NRXN1: variants seen among roughly 807,000 people sequenced by gnomAD.
NRXN1 encodes the protein neurexin 1.
A neutral mutation model predicts 150.9 loss-of-function variants in NRXN1; 39 were observed. The observed-to-expected ratio is 0.26, with a 90% CI of 0.20 to 0.34. The LOEUF is 0.34. Among genes scored for constraint, NRXN1 ranks in the 10% least tolerant of loss-of-function variants. The pLI is 1.00. For missense variants in NRXN1, 1,815 were observed against 1,949.9 expected, an observed-to-expected ratio of 0.93 and a Z score of 1.30; for synonymous variants, 924 against 757.0, an observed-to-expected ratio of 1.22 and a Z score of -3.62.
chr2:50,358,140 C>G (rs1007793311), intron 17 of NRXN1, among the ~76,000 whole-genome samples: 1 of 152,132 alleles, frequency 6.6e-6, no homozygotes, highest in Non-Finnish European at 1.5e-5. Context: ...GTTTCAAGCA[C>G]AAAACTAGGT....
rs150324238 is a variant in NRXN1, at chr2:50,854,363, T to C, written c.832+67506A>G. Among the ~76,000 whole-genome samples, 426 of 152,194 alleles carry C rather than the reference T, an allele frequency of 2.8e-3. 2 individuals carry two copies. Among genetic ancestry groups the C allele is most frequent in the African/African-American group, 9.9e-3 (410 of 41,566 alleles). On this transcript the variant is annotated intron_variant, in intron 5 of 22. Coordinates refer to ENST00000401669, the MANE Select transcript of NRXN1 (RefSeq NM_001330078.2). The stretch of plus-strand genomic sequence containing the variant: ...CCAATATCTAAGCATATCCAAATGC[T>C]AAAATCCACAGAACAGTGCAAGGAA...
At chr2:50,141,488 T>C (rs1237066597) in intron 18 of NRXN1, among the ~76,000 whole-genome samples, 6 of 151,862 alleles carry the variant, frequency 4.0e-5, no homozygotes, top group African/African-American at 1.4e-4. Context: ...AGCTTCTGTA[T>C]ACCAAAGGAA....
At chr2:50,554,925 T>C (rs1268816649) in intron 8 of NRXN1, among the ~76,000 whole-genome samples, 1 of 152,078 alleles carries the variant, frequency 6.6e-6, no homozygotes, top group Non-Finnish European at 1.5e-5. Flanking sequence ...ACTTGAGCAA[T>C]AACAAAAAGG....
At chr2:50,884,181 T>C (rs1679879982) in intron 5 of NRXN1, among the ~76,000 whole-genome samples, 1 of 151,742 alleles carries the variant, frequency 6.6e-6, no homozygotes, top group Non-Finnish European at 1.5e-5. Context: ...TTTTAAAAAT[T>C]TACAGGAAAA....
chr2:50,726,451 A>C (rs182238723), intron 5 of NRXN1, among the ~76,000 whole-genome samples: 1 of 152,226 alleles, frequency 6.6e-6, no homozygotes, highest in Non-Finnish European at 1.5e-5. Flanking sequence ...TGTGAAGATT[A>C]AATGAGATAA....
At chr2:50,512,757 T>C (rs1412070806) in intron 12 of NRXN1, among the ~76,000 whole-genome samples, 1 of 152,212 alleles carries the variant, frequency 6.6e-6, no homozygotes, top group Non-Finnish European at 1.5e-5. Flanking sequence ...TCCCTATTTA[T>C]ATTTTTACAT....
intron 17 of NRXN1, among the ~76,000 whole-genome samples, chr2:50,278,281 A>C (rs2070888649): frequency 1.1e-5 from 1 of 87,396 alleles, no homozygotes; most frequent in Non-Finnish European, 2.2e-5. Context: ...TGTATTATAT[A>C]TATAATACAT....
At chr2:50,981,966 T>C (rs2160656) in intron 2 of NRXN1, among the ~76,000 whole-genome samples, 18 of 151,606 alleles carry the variant, frequency 1.2e-4, no homozygotes, top group Non-Finnish European at 2.7e-4. Flanking sequence ...GAGAGAGAGA[T>C]AGAGAAAGAG....
At chr2:50,827,983 GAA>G (rs1467929992) in intron 5 of NRXN1, among the ~76,000 whole-genome samples, 3 of 144,042 alleles carry the variant, frequency 2.1e-5, no homozygotes, top group African/African-American at 2.5e-5. Flanking sequence ...AGAACGAAAT[GAA>G]AAGTCTCCCA....
At chr2:50,628,628 A>T (rs1681639806) in intron 5 of NRXN1, among the ~76,000 whole-genome samples, 1 of 151,784 alleles carries the variant, frequency 6.6e-6, no homozygotes, top group Non-Finnish European at 1.5e-5. Flanking sequence ...CAGAGTGTTT[A>T]CATATGTGTT....
intron 5 of NRXN1, among the ~76,000 whole-genome samples, chr2:50,847,741 G>A (rs10460543): frequency 0.086 from 13,157 of 152,144 alleles, 684 homozygotes; most frequent in Admixed American, 0.089. Flanking sequence ...ACGTCAAGAG[G>A]ACGTGGAGGG....
chr2:50,287,568 T>C (rs899203096), intron 17 of NRXN1, among the ~76,000 whole-genome samples: 2 of 152,040 alleles, frequency 1.3e-5, no homozygotes, highest in Admixed American at 6.6e-5. Flanking sequence ...AGAGGGAAGA[T>C]GACTAAAAAT....
At chr2:50,865,754 G>C (rs1430791011) in intron 5 of NRXN1, among the ~76,000 whole-genome samples, 1 of 130,466 alleles carries the variant, frequency 7.7e-6, no homozygotes, top group Non-Finnish European at 1.6e-5. Flanking sequence ...TTTTTTTGGT[G>C]GTGGGGGGAT....
chr2:50,591,388 A>AT (rs1328378464), intron 8 of NRXN1, among the ~76,000 whole-genome samples: 13 of 109,012 alleles, frequency 1.2e-4, no homozygotes, highest in African/African-American at 3.7e-4. Flanking sequence ...TATCAGATAG[A>AT]TAGATAGATA....
At chr2:50,902,622 C>G (rs386466412) in intron 5 of NRXN1, among the ~76,000 whole-genome samples, 1 of 152,096 alleles carries the variant, frequency 6.6e-6, no homozygotes, top group South Asian at 2.1e-4. Context: ...CTTGGGAGTG[C>G]TGAGAATATA....
Position 50,347,264 on chromosome 2 carries a change from C to A in NRXN1, c.3365-110294G>T, listed in dbSNP as rs1029174229. 7.6e-7 allele frequency: 1 copy of A among 1,313,372 alleles called. No individual in the cohort carries two copies. Among genetic ancestry groups the A allele is most frequent in the Non-Finnish European group, 9.9e-7 (1 of 1,005,506 alleles). The allele number at this position is 1,313,372 out of a possible 1,614,324, so 81.4% of individuals were successfully genotyped here. ...CCAGATTTCCAGGGCTCCAGGTTCT[C>A]GAGAGATACTCCCAAAGAGTTTCGG... On this transcript the variant is annotated intron_variant, in intron 17 of 22. Transcript: ENST00000401669. The surrounding 1 kb of genome is among the most constrained non-coding windows in gnomAD (Gnocchi z 4.9).
chr2:50,845,726 A>G (rs1052283037), intron 5 of NRXN1, among the ~76,000 whole-genome samples: 2 of 152,210 alleles, frequency 1.3e-5, no homozygotes, highest in African/African-American at 4.8e-5. Flanking sequence ...GGGCTGAAAT[A>G]TGTGTTTAAA....
intron 15 of NRXN1, among the ~76,000 whole-genome samples, chr2:50,479,108 A>G (rs913140342): frequency 1.3e-5 from 2 of 152,192 alleles, no homozygotes; most frequent in African/African-American, 2.4e-5. Flanking sequence ...AAGATTTTGA[A>G]TTACTTCTCT....
chr2:50,258,268 T>C (rs550074167), intron 17 of NRXN1, among the ~76,000 whole-genome samples: 25 of 152,088 alleles, frequency 1.6e-4, no homozygotes, highest in African/African-American at 5.8e-4. Context: ...TTTGAGTCAA[T>C]CCTCTCAAAC....
Sources: gnomAD v4.1 joint callset for allele counts (sites outside exome capture counted in the v4.1 genomes callset) on GRCh38, gnomAD v4.1.1 for gene constraint, Gnocchi (gnomAD v3.1) non-coding constraint, MANE v1.5 for transcripts, NCBI Gene and HGNC (gene_info 2026-07-23, HGNC 2026-07-21) for gene names.